Variants in C3orf33 observed in about 807,000 individuals in gnomAD.
C3orf33 encodes the protein mitochondrial inner membrane subdomain organizer 1.
A neutral mutation model predicts 28.7 loss-of-function variants in C3orf33; 23 were observed. The observed-to-expected ratio is 0.80, with a 90% confidence interval of 0.58 to 1.13. C3orf33 has a LOEUF of 1.13. C3orf33 is among the 50% of genes most tolerant of loss of function. The pLI, the probability that C3orf33 is intolerant of heterozygous loss-of-function variation, is 0.00. For missense variants in C3orf33, 327 were observed against 353.4 expected (o/e 0.93, Z 0.60); for synonymous variants, 119 against 120.5 (o/e 0.99, Z 0.08).
At chr3:155,801,086 G>C (rs1751633844) in intron 2 of C3orf33, among the ~76,000 whole-genome samples, 1 of 152,120 alleles carries the variant, frequency 6.6e-6, no homozygotes, top group Non-Finnish European at 1.5e-5. Flanking sequence ...ACCAAGGCCG[G>C]TGTATCACTT....
Position 155,797,596 on chromosome 3 carries a change from A to T in C3orf33, c.174+4936T>A, listed in dbSNP as rs752238892. Among the ~76,000 whole-genome samples the T allele has an allele frequency of 3.9e-5, 6 of 152,224 alleles. No homozygotes were observed. The East Asian group carries it at 9.6e-4, about 24-fold the overall frequency. ...AAAAGACTATTGGAACTGATAAATA[A>T]ATTCAGTACAGTTGCAGGATACAAT... On this transcript the variant is annotated intron_variant, in intron 2 of 4. Coordinates refer to ENST00000340171, the MANE Select transcript of C3orf33 (RefSeq NM_001308229.2).
At chr3:155,797,933 TG>T (rs1162625578) in intron 2 of C3orf33, among the ~76,000 whole-genome samples, 7 of 152,012 alleles carry the variant, frequency 4.6e-5, no homozygotes, top group African/African-American at 1.4e-4. Flanking sequence ...TAGCCGGGCA[TG>T]GTGGCACATG....
Position 155,763,723 on chromosome 3 carries a change from CTAAG to C in C3orf33, c.675_678del (p.Tyr225Ter), listed in dbSNP as rs1359512536. 9 of 1,594,364 alleles carry C rather than the reference CTAAG, an allele frequency of 5.6e-6. No individual in the cohort carries two copies. The highest frequency in any genetic ancestry group is 7.7e-6 in the Non-Finnish European group (9 of 1,174,974). On this transcript the variant is annotated frameshift_variant, in exon 5 of 5. Transcript: ENST00000340171. LOFTEE classifies it high-confidence loss of function. ...TCTCTCCAGGAATCTTTGAATTTTT[CTAAG>C]TAACTTTCTTTTTCAGAGTCTTCCT...
At chr3:155,778,962 T>C (rs1400322450) in intron 2 of C3orf33, among the ~76,000 whole-genome samples, 1 of 152,110 alleles carries the variant, frequency 6.6e-6, no homozygotes, top group African/African-American at 2.4e-5. Context: ...TCAAAAAGAT[T>C]CTGACAACCA....
At chr3:155,778,890 A>G (rs1750832977) in intron 2 of C3orf33, among the ~76,000 whole-genome samples, 1 of 152,182 alleles carries the variant, frequency 6.6e-6, no homozygotes, top group Non-Finnish European at 1.5e-5. Context: ...TAGCATGAGG[A>G]ACAAACATCA....
intron 2 of C3orf33, among the ~76,000 whole-genome samples, chr3:155,790,944 A>G (rs1333881348): frequency 6.6e-6 from 1 of 152,214 alleles, no homozygotes; most frequent in Non-Finnish European, 1.5e-5. Flanking sequence ...GCTCAAAGCC[A>G]GAGAACTTGG....
chr3:155,780,992 C>CTTTTTTTT lies in C3orf33; in HGVS notation c.175-5152_175-5145dup, dbSNP rs746458091. Among the ~76,000 whole-genome samples the CTTTTTTTT allele has an allele frequency of 9.1e-4, 128 of 141,154 alleles. 3 individuals are homozygous for CTTTTTTTT. Among genetic ancestry groups the CTTTTTTTT allele is most frequent in the African/African-American group, 2.8e-3 (106 of 38,166 alleles). 92.6% of individuals were successfully genotyped at this position (141,154 alleles called of 152,430 possible). Reference sequence around the variant, plus strand: ...CTGCCAGCAGCCTACCTCTAGACTTCTTTTTTTTTTTTTTTTGAGACGGAG... The same window carrying CTTTTTTTT: ...CTGCCAGCAGCCTACCTCTAGACTTCTTTTTTTTTTTTTTTTTTTTTTTTGAGACGGAG... On this transcript the variant is annotated intron_variant, in intron 2 of 4. Coordinates refer to ENST00000340171, the MANE Select transcript of C3orf33 (RefSeq NM_001308229.2).
intron 2 of C3orf33, among the ~76,000 whole-genome samples, chr3:155,778,678 A>G (rs980122851): frequency 1.3e-5 from 2 of 152,220 alleles, no homozygotes; most frequent in African/African-American, 4.8e-5. Context: ...ATCACAGGAC[A>G]AAGTTGCTTA....
rs185473640 is a variant in C3orf33 at position 155,784,522 on chromosome 3, T to C, written c.175-8674A>G. Among the ~76,000 whole-genome samples the C allele has an allele frequency of 4.6e-3, 700 of 152,006 alleles. 10 individuals carry two copies. The highest frequency in any genetic ancestry group is 0.016 in the African/African-American group (655 of 41,528). ...TGGCAGGCCAAGGCAGGTGGATCAC[T>C]TGAGGCCAGGAGTTCGAGACCAGCC... On this transcript the variant is annotated intron_variant, in intron 2 of 4. Coordinates refer to ENST00000340171, the MANE Select transcript of C3orf33 (RefSeq NM_001308229.2).
chr3:155,776,202 A>G (rs1750741005), intron 2 of C3orf33, among the ~76,000 whole-genome samples: 2 of 152,206 alleles, frequency 1.3e-5, no homozygotes, highest in Admixed American at 1.3e-4. Flanking sequence ...TGTTCCACAT[A>G]AGTACAATCT....
At chr3:155,805,399 A>G (rs1321493286) in intron 1 of C3orf33, among the ~76,000 whole-genome samples, 1 of 151,994 alleles carries the variant, frequency 6.6e-6, no homozygotes, top group Non-Finnish European at 1.5e-5. Context: ...GGAAGTGGAG[A>G]CTGCAACGAG....
At chr3:155,769,663 C>T (rs16825394) in intron 3 of C3orf33, among the ~76,000 whole-genome samples, 2,962 of 152,220 alleles carry the variant, frequency 0.019, 85 homozygotes, top group African/African-American at 0.067. Context: ...ATTCTGAGGT[C>T]CCTCTCCAAT....
At chr3:155,806,061 T>A (rs12486921) in intron 1 of C3orf33, 78 bp downstream of exon 1, 96,290 of 1,014,108 alleles carry the variant, frequency 0.095, 6,587 homozygotes, top group East Asian at 0.34. Flanking sequence ...GATCCACGCC[T>A]GAGGCCTCAC....
chr3:155,797,813 G>A (rs1751523298), intron 2 of C3orf33, among the ~76,000 whole-genome samples: 1 of 152,214 alleles, frequency 6.6e-6, no homozygotes, highest in Admixed American at 6.5e-5. Context: ...GCTCATGCCT[G>A]TAATCCCAGC....
At chr3:155,794,014 C>T (rs958156796) in intron 2 of C3orf33, among the ~76,000 whole-genome samples, 2 of 151,254 alleles carry the variant, frequency 1.3e-5, no homozygotes, top group African/African-American at 4.8e-5. Context: ...CAGAGTCTCA[C>T]TCAGTCTGGC....
At chr3:155,794,186 G>A (rs931546799) in intron 2 of C3orf33, among the ~76,000 whole-genome samples, 1 of 151,878 alleles carries the variant, frequency 6.6e-6, no homozygotes, top group African/African-American at 2.4e-5. Flanking sequence ...TCACCATGTT[G>A]GCCAGGCTGG....
chr3:155,806,146 A>G lies in C3orf33; in HGVS notation c.107T>C (p.Leu36Pro). The change falls in exon 1 of 5, where the codon CTA becomes CCA. Residue 36 changes from leucine (L) to proline (P), a missense_variant. Physicochemically the swap from Leu to Pro is moderately conservative, Grantham distance 98. Transcript: ENST00000340171. ...ISQWADDHLR[L>P]VRNISTGMAI... Reference sequence around the variant, plus strand: ...ACTGCGTGGCCCCAGTACCCGGACTAGGCGCAGGTGGTCGTCTGCCCACTG... The same window carrying G: ...ACTGCGTGGCCCCAGTACCCGGACTGGGCGCAGGTGGTCGTCTGCCCACTG... 1 of 1,466,078 alleles carries G rather than the reference A, an allele frequency of 6.8e-7. No homozygotes were observed. The highest frequency in any genetic ancestry group is 9.1e-7 in the Non-Finnish European group (1 of 1,101,344). The allele number at this position is 1,466,078 out of a possible 1,614,324, so 90.8% of individuals were successfully genotyped here.
chr3:155,798,754 G>T (rs574419233), intron 2 of C3orf33, among the ~76,000 whole-genome samples: 7 of 152,072 alleles, frequency 4.6e-5, no homozygotes, highest in African/African-American at 1.4e-4. Context: ...GGCAACCAAA[G>T]AAAAAATAGA....
At position 155,786,630 on chromosome 3, in the gene C3orf33, C is replaced by A. The variant is rs191216018; in HGVS notation, c.175-10782G>T. On this transcript the variant is annotated intron_variant, in intron 2 of 4. Coordinates refer to ENST00000340171, the MANE Select transcript of C3orf33 (RefSeq NM_001308229.2). Reference sequence around the variant, plus strand: ...TCATCTGAGGTCAGGAGTTTGAGACCAACCTGGCCAACGTGGCGAAACCCC... The same window carrying A: ...TCATCTGAGGTCAGGAGTTTGAGACAAACCTGGCCAACGTGGCGAAACCCC... 2.0e-5 allele frequency among the ~76,000 whole-genome samples: 3 copies of A among 152,148 alleles called. No individual in the cohort carries two copies. In the East Asian group the frequency reaches 5.8e-4, roughly 29 times the overall value.
Sources: allele counts gnomAD v4.1 joint callset (sites outside exome capture counted in the v4.1 genomes callset), GRCh38; gene constraint gnomAD v4.1.1; transcripts MANE v1.5; gene names NCBI Gene and HGNC (gene_info 2026-07-23, HGNC 2026-07-21).